GNA14: variants seen among roughly 807,000 people sequenced by gnomAD.
GNA14 encodes guanine nucleotide-binding protein subunit alpha-14.
Under a neutral mutation model 42.0 loss-of-function variants are expected in GNA14, and 50 were observed. The observed-to-expected ratio is 1.19, with a 90% CI of 0.95 to 1.51. GNA14 has a LOEUF of 1.51. Ranked by LOEUF, GNA14 falls within the 40% of genes most tolerant of loss-of-function variation. The pLI is 0.00. For missense variants in GNA14, 473 were observed against 446.2 expected, an observed-to-expected ratio of 1.06 and a Z score of -0.54; for synonymous variants, 173 against 163.1, an observed-to-expected ratio of 1.06 and a Z score of -0.46.
chr9:77,526,128 C>T (rs1837434181), intron 2 of GNA14, among the ~76,000 whole-genome samples: 1 of 133,320 alleles, frequency 7.5e-6, no homozygotes, highest in Non-Finnish European at 1.6e-5. Context: ...CCAGGCTGAT[C>T]TCAAAACCCT....
intron 2 of GNA14, among the ~76,000 whole-genome samples, chr9:77,465,034 A>G (rs1479276100): frequency 6.6e-6 from 1 of 152,198 alleles, no homozygotes; most frequent in African/African-American, 2.4e-5. Flanking sequence ...AGCCTCTCCT[A>G]TAGGCTTTGG....
At chr9:77,427,934 C>T (rs964674094) in intron 5 of GNA14, among the ~76,000 whole-genome samples, 4 of 152,122 alleles carry the variant, frequency 2.6e-5, no homozygotes, top group African/African-American at 4.8e-5. Flanking sequence ...AGCCTGTGCC[C>T]AGGTAAAGTG....
At chr9:77,632,129 G>A (rs1288406106) in intron 1 of GNA14, among the ~76,000 whole-genome samples, 2 of 152,200 alleles carry the variant, frequency 1.3e-5, no homozygotes, top group Admixed American at 1.3e-4. Flanking sequence ...AGGCTTGGAA[G>A]TGCCTGCTTC....
Position 77,626,074 on chromosome 9 carries a change from A to C in GNA14, c.124+21596T>G, listed in dbSNP as rs137856234. On this transcript the variant is annotated intron_variant, in intron 1 of 6. Transcript: ENST00000341700. ...AGCAAATGGAAAGAAAAAAAAAAAG[A>C]AGCAGGGTTTGCAATCCTAGTCTCT... 5.4e-3 allele frequency among the ~76,000 whole-genome samples: 810 copies of C among 150,312 alleles called. 18 individuals are homozygous for C. In the East Asian group the frequency reaches 0.072, roughly 13 times the overall value.
intron 2 of GNA14, among the ~76,000 whole-genome samples, chr9:77,435,500 T>G (rs556290920): frequency 3.3e-5 from 5 of 152,286 alleles, no homozygotes; most frequent in Admixed American, 2.0e-4. Flanking sequence ...TCTTTCCCAC[T>G]GGGAGCCTCC....
At chr9:77,597,660 C>T (rs1823488451) in intron 1 of GNA14, among the ~76,000 whole-genome samples, 2 of 151,212 alleles carry the variant, frequency 1.3e-5, no homozygotes, top group African/African-American at 4.9e-5. Context: ...GTGGCAAAAC[C>T]CGCAATTACT....
At chr9:77,619,964 T>C (rs867075989) in intron 1 of GNA14, among the ~76,000 whole-genome samples, 3 of 152,106 alleles carry the variant, frequency 2.0e-5, no homozygotes, top group Non-Finnish European at 4.4e-5. Context: ...TCTTGCTACA[T>C]AAAAATTCAA....
intron 2 of GNA14, among the ~76,000 whole-genome samples, chr9:77,503,157 T>A (rs1312745836): frequency 6.6e-6 from 1 of 152,216 alleles, no homozygotes; most frequent in East Asian, 1.9e-4. Flanking sequence ...GCAGAAGGAA[T>A]CTGGAAAAGT....
intron 2 of GNA14, among the ~76,000 whole-genome samples, chr9:77,439,828 C>G (rs1835701683): frequency 6.6e-6 from 1 of 152,078 alleles, no homozygotes; most frequent in African/African-American, 2.4e-5. Context: ...CTTGCTTCAT[C>G]TCAGGGAAAG....
chr9:77,637,775 G>T (rs1824205852), intron 1 of GNA14, among the ~76,000 whole-genome samples: 1 of 152,158 alleles, frequency 6.6e-6, no homozygotes, highest in Non-Finnish European at 1.5e-5. Flanking sequence ...GATTGCTTGA[G>T]CCCAGGAGGC....
intron 2 of GNA14, 144 bp from the exon 3 acceptor site, chr9:77,434,666 G>A (rs779014991): frequency 2.7e-5 from 18 of 661,972 alleles, no homozygotes; most frequent in Admixed American, 2.3e-4. Flanking sequence ...CCCAGGGGCC[G>A]CTCACAGCCA....
chr9:77,589,026 A>G (rs1823347972), intron 1 of GNA14, among the ~76,000 whole-genome samples: 1 of 152,244 alleles, frequency 6.6e-6, no homozygotes, highest in African/African-American at 2.4e-5. Flanking sequence ...ATTCAAAGCC[A>G]TCTTTATTTA....
At chr9:77,479,364 T>C (rs1235961894) in intron 2 of GNA14, among the ~76,000 whole-genome samples, 1 of 152,148 alleles carries the variant, frequency 6.6e-6, no homozygotes, top group Admixed American at 6.5e-5. Context: ...AGGGCTCTGT[T>C]CTGTTCCATT....
chr9:77,551,519 C>T lies in GNA14; in HGVS notation c.125-22266G>A, dbSNP rs552452372. On this transcript the variant is annotated intron_variant, in intron 1 of 6. Transcript: ENST00000341700. ...CATGCGCAGACACTCACCCACCCCC[C>T]CTTCAAGTGACCCCAAATCACTAGG... 4.0e-5 allele frequency among the ~76,000 whole-genome samples: 6 copies of T among 151,882 alleles called. No homozygotes were observed. The East Asian group carries it at 9.7e-4, about 25-fold the overall frequency.
At chr9:77,493,415 T>C (rs1836820666) in intron 2 of GNA14, among the ~76,000 whole-genome samples, 1 of 152,244 alleles carries the variant, frequency 6.6e-6, no homozygotes, top group South Asian at 2.1e-4. Flanking sequence ...CTGTACTGTG[T>C]ACTCTGATCA....
intron 2 of GNA14, among the ~76,000 whole-genome samples, chr9:77,510,725 T>C (rs2131749828): frequency 6.6e-6 from 1 of 152,144 alleles, no homozygotes; most frequent in Admixed American, 6.5e-5. Flanking sequence ...CTGGGAGAAG[T>C]GATGGAATGT....
chr9:77,527,955 A>G (rs900830940), intron 2 of GNA14, among the ~76,000 whole-genome samples: 1 of 152,166 alleles, frequency 6.6e-6, no homozygotes, highest in Non-Finnish European at 1.5e-5. Context: ...AAGTTTTAGC[A>G]TGACTCTGTT....
At chr9:77,613,310 A>T (rs1486980957) in intron 1 of GNA14, among the ~76,000 whole-genome samples, 1 of 152,222 alleles carries the variant, frequency 6.6e-6, no homozygotes, top group Non-Finnish European at 1.5e-5. Context: ...TAAATTTGTG[A>T]TCACACTTAG....
At chr9:77,625,059 T>C (rs1823991508) in intron 1 of GNA14, among the ~76,000 whole-genome samples, 1 of 150,870 alleles carries the variant, frequency 6.6e-6, no homozygotes, top group Middle Eastern at 3.2e-3. Context: ...GAGAAGAACA[T>C]AAATGACCTG....
Sources: allele counts gnomAD v4.1 joint callset (sites outside exome capture counted in the v4.1 genomes callset), GRCh38; gene constraint gnomAD v4.1.1; transcripts MANE v1.5; gene names NCBI Gene and HGNC (gene_info 2026-07-23, HGNC 2026-07-21).